TMOD1: variants seen among roughly 807,000 people sequenced by gnomAD.
TMOD1 encodes the protein tropomodulin-1.
In TMOD1, 17 loss-of-function variants were observed where a neutral mutation model predicts 40.6. That is an observed-to-expected ratio of 0.42 (90% CI 0.29 to 0.63). TMOD1 has a LOEUF of 0.63. TMOD1 is among the 20% of genes least tolerant of loss of function. The pLI, the probability that TMOD1 is intolerant of heterozygous loss-of-function variation, is 0.22. For synonymous variants in TMOD1, 181 were observed against 175.0 expected (o/e 1.03, Z -0.27); for missense variants, 391 against 447.6 (o/e 0.87, Z 1.14).
At chr9:97,547,277 A>C (rs1830379705) in intron 3 of TMOD1, among the ~76,000 whole-genome samples, 1 of 147,074 alleles carries the variant, frequency 6.8e-6, no homozygotes, top group South Asian at 2.2e-4. Flanking sequence ...CAAACTTTCC[A>C]CCTCAGGACC....
intron 9 of TMOD1, 83 bp from the exon 10 acceptor site, chr9:97,599,551 T>A (rs372131948): frequency 6.3e-7 from 1 of 1,576,080 alleles, no homozygotes. Context: ...TAGTGCGAGG[T>A]TTCACAGTGC....
chr9:97,551,445 A>T (rs546904141), intron 3 of TMOD1, among the ~76,000 whole-genome samples: 1 of 152,258 alleles, frequency 6.6e-6, no homozygotes, highest in African/African-American at 2.4e-5. Context: ...TCTCAATACC[A>T]TTTGTTGAAG....
Position 97,600,202 on chromosome 9 carries a change from A to G in TMOD1, c.*504A>G. The G allele has an allele frequency of 2.4e-5, 24 of 995,670 alleles. No homozygotes were observed. Among genetic ancestry groups the G allele is most frequent in the Non-Finnish European group, 2.9e-5 (24 of 834,992 alleles). The allele number at this position is 995,670 out of a possible 1,614,324, so 61.7% of individuals were successfully genotyped here. On this transcript the variant is annotated 3_prime_UTR_variant, in exon 10 of 10. Coordinates refer to ENST00000259365, the MANE Select transcript of TMOD1 (RefSeq NM_003275.4). ...TGAAAACCTCGATTAAAGTTGCCAA[A>G]TTGATTACTGGATCCAGAACACAAT...
At position 97,591,295 on chromosome 9, in the gene TMOD1, A is replaced by G; in HGVS notation, c.875A>G (p.Gln292Arg). Reference protein sequence around the residue: ...LVEMKIDNQSQPLGNKVEMEI... With the variant: ...LVEMKIDNQSRPLGNKVEMEI... ...TTTATTTTTTCTTGACTAAAGAGCCAGCCCCTGGGCAACAAAGTGGAAATG... is the reference window on the plus strand; with the variant it reads ...TTTATTTTTTCTTGACTAAAGAGCCGGCCCCTGGGCAACAAAGTGGAAATG... Residue 292 changes from glutamine (Q) to arginine (R), a missense_variant, in exon 9 of 10, where the codon CAG becomes CGG. Gln to Arg is a conservative substitution (Grantham distance 43). Transcript: ENST00000259365. 1 of 1,613,550 alleles carries G rather than the reference A, an allele frequency of 6.2e-7. No homozygotes were observed. The highest frequency in any genetic ancestry group is 8.5e-7 in the Non-Finnish European group (1 of 1,179,824).
Position 97,601,311 on chromosome 9 carries a change from G to A in TMOD1, c.*1613G>A, listed in dbSNP as rs1826253223. The A allele has an allele frequency of 1.7e-6, 2 of 1,161,290 alleles. No individual in the cohort carries two copies. The highest frequency in any genetic ancestry group is 1.1e-6 in the Non-Finnish European group (1 of 923,346). 71.9% of individuals were successfully genotyped at this position (1,161,290 alleles called of 1,614,324 possible). On this transcript the variant is annotated 3_prime_UTR_variant, in exon 10 of 10. Transcript: ENST00000259365. ...GACAGGGACATGTGCCTGGCACACTGGCCAGAAGACTGGGCAGCCACCATG... is the reference window on the plus strand; with the variant it reads ...GACAGGGACATGTGCCTGGCACACTAGCCAGAAGACTGGGCAGCCACCATG...
chr9:97,596,472 A>AT (rs1487585442), intron 9 of TMOD1, among the ~76,000 whole-genome samples: 1 of 152,206 alleles, frequency 6.6e-6, no homozygotes, highest in Non-Finnish European at 1.5e-5. Flanking sequence ...TCACTAGCTC[A>AT]TGTAGTCCTC....
intron 8 of TMOD1, among the ~76,000 whole-genome samples, chr9:97,578,780 A>G (rs1587955899): frequency 6.6e-6 from 1 of 152,314 alleles, no homozygotes; most frequent in African/African-American, 2.4e-5. Flanking sequence ...CTCTGCACGA[A>G]GCATCAGCTT....
At chr9:97,599,158 G>A (rs909459215) in intron 9 of TMOD1, among the ~76,000 whole-genome samples, 2 of 151,952 alleles carry the variant, frequency 1.3e-5, no homozygotes, top group Non-Finnish European at 2.9e-5. Context: ...TTAAACATAA[G>A]GGGATACAGA....
chr9:97,524,354 C>A (rs1414071705), intron 2 of TMOD1, 46 bp downstream of exon 2: 22 of 1,596,620 alleles, frequency 1.4e-5, no homozygotes, highest in African/African-American at 4.0e-5. Context: ...GCGAGGGGAC[C>A]TGGGGAGGGA....
rs1829744222 is a variant in TMOD1 at position 97,513,633 on chromosome 9, T to A, written c.-48-10508T>A. 6.6e-6 allele frequency: 1 copy of A among 152,200 alleles called. No homozygotes were observed. The highest frequency in any genetic ancestry group is 2.4e-5 in the African/African-American group (1 of 41,436). The allele number at this position is 152,200 out of a possible 1,614,324, so 9.4% of individuals were successfully genotyped here. ...AGAGCTAGGACTTCTTATTAATTTC[T>A]GTCTCTCCCAAAAAGACCCAGCATG... On this transcript the variant is annotated intron_variant, in intron 1 of 9. Transcript: ENST00000259365. This position sits in a 1 kb window ranked among gnomAD's most constrained non-coding sequence, Gnocchi z 4.1.
At chr9:97,555,472 G>A (rs1350183404) in intron 4 of TMOD1, 16 of 1,433,910 alleles carry the variant, frequency 1.1e-5, no homozygotes, top group Admixed American at 2.9e-5. Flanking sequence ...CTACGTTTCT[G>A]TGTGGCTTTC....
At chr9:97,501,653 C>T (rs1301097197), upstream of TMOD1, 1 of 148,462 alleles carries the variant, frequency 6.7e-6, no homozygotes, top group Admixed American at 6.7e-5. Flanking sequence ...CCCGCCCGCC[C>T]GCGGCCGCCC....
At chr9:97,561,316 A>G (rs187883103) in intron 4 of TMOD1, among the ~76,000 whole-genome samples, 1 of 152,344 alleles carries the variant, frequency 6.6e-6, no homozygotes, top group East Asian at 1.9e-4. Flanking sequence ...GCCTAGGTGA[A>G]TAAAATCTAC....
At chr9:97,508,274 C>T (rs1393662322) in intron 1 of TMOD1, among the ~76,000 whole-genome samples, 2 of 151,932 alleles carry the variant, frequency 1.3e-5, no homozygotes, top group South Asian at 2.1e-4. Flanking sequence ...CTGCAACCTC[C>T]GCCTCCCAGG....
chr9:97,566,882 C>G (rs919528213), intron 7 of TMOD1, among the ~76,000 whole-genome samples: 2 of 152,054 alleles, frequency 1.3e-5, no homozygotes, highest in African/African-American at 4.8e-5. Context: ...GAATTAGGTT[C>G]TGGGAATACA....
intron 2 of TMOD1, among the ~76,000 whole-genome samples, chr9:97,537,312 G>T: frequency 6.6e-6 from 1 of 152,234 alleles, no homozygotes; most frequent in Non-Finnish European, 1.5e-5. Context: ...ATGTGTGATC[G>T]TGCGTGCCTG....
At chr9:97,565,133 C>T (rs1260177407) in intron 6 of TMOD1, among the ~76,000 whole-genome samples, 4 of 152,244 alleles carry the variant, frequency 2.6e-5, no homozygotes, top group Non-Finnish European at 4.4e-5. Context: ...GCAGTGAATG[C>T]TGCCTCAGGG....
At chr9:97,558,869 C>T (rs1444346939) in intron 4 of TMOD1, among the ~76,000 whole-genome samples, 1 of 152,090 alleles carries the variant, frequency 6.6e-6, no homozygotes, top group Non-Finnish European at 1.5e-5. Context: ...ACTGAGCGTC[C>T]CCCCAGCCCC....
intron 3 of TMOD1, among the ~76,000 whole-genome samples, chr9:97,550,641 C>T (rs987025073): frequency 4.2e-4 from 64 of 152,174 alleles, no homozygotes; most frequent in Admixed American, 4.2e-3. Context: ...AGCATCTTTT[C>T]ATGTGCTTGT....
Sources: allele counts gnomAD v4.1 joint callset (sites outside exome capture counted in the v4.1 genomes callset), GRCh38; gene constraint gnomAD v4.1.1; non-coding constraint Gnocchi (gnomAD v3.1); transcripts MANE v1.5; gene names NCBI Gene and HGNC (gene_info 2026-07-23, HGNC 2026-07-21).